ROBO2: variants seen among roughly 807,000 people sequenced by gnomAD.
ROBO2 encodes the protein roundabout homolog 2.
In ROBO2, 53 loss-of-function variants were observed where a neutral mutation model predicts 160.8. The ratio of observed to expected loss-of-function variants is 0.33; its 90% confidence interval spans 0.26 to 0.41. The LOEUF (loss-of-function observed/expected upper bound fraction) is 0.41. Among genes scored for constraint, ROBO2 ranks in the 10% least tolerant of loss-of-function variants. The pLI is 1.00. For missense variants in ROBO2, 1,577 were observed against 1,722.4 expected (o/e 0.92, Z 1.49); for synonymous variants, 664 against 611.7 (o/e 1.09, Z -1.26).
chr3:76,823,674 C>T (rs1367764834), intron 2 of ROBO2, among the ~76,000 whole-genome samples: 1 of 151,982 alleles, frequency 6.6e-6, no homozygotes, highest in African/African-American at 2.4e-5. Flanking sequence ...GTAAAAACAT[C>T]CCAGGCAAAG....
intron 6 of ROBO2, among the ~76,000 whole-genome samples, chr3:77,545,742 T>C (rs2092673301): frequency 6.6e-6 from 1 of 152,100 alleles, no homozygotes. Context: ...GAGTCAACCA[T>C]TTCAATACAT....
intron 2 of ROBO2, among the ~76,000 whole-genome samples, chr3:76,316,399 C>A (rs757318106): frequency 2.0e-5 from 3 of 152,070 alleles, no homozygotes; most frequent in Non-Finnish European, 4.4e-5. Flanking sequence ...TTAGTGATAT[C>A]GCTCCTACTT....
At chr3:77,136,935 A>G (rs992455622) in intron 2 of ROBO2, among the ~76,000 whole-genome samples, 1 of 151,830 alleles carries the variant, frequency 6.6e-6, no homozygotes. Context: ...GTGCCTGGCC[A>G]CACCCAGTTA....
chr3:76,859,552 T>G (rs1250275880), intron 2 of ROBO2, among the ~76,000 whole-genome samples: 2 of 152,168 alleles, frequency 1.3e-5, no homozygotes, highest in African/African-American at 4.8e-5. Context: ...TGGCTTTCCC[T>G]TTCTGTTGTC....
chr3:76,081,143 T>A (rs1576778398), intron 2 of ROBO2, among the ~76,000 whole-genome samples: 2 of 148,892 alleles, frequency 1.3e-5, no homozygotes, highest in South Asian at 2.1e-4. Flanking sequence ...TAGTTTTTTT[T>A]TACAAAATTT....
chr3:77,369,727 G>A (rs1199964276), intron 2 of ROBO2, among the ~76,000 whole-genome samples: 1 of 152,158 alleles, frequency 6.6e-6, no homozygotes, highest in Non-Finnish European at 1.5e-5. Context: ...CTGAGTTAGG[G>A]TTTTATGGAT....
intron 2 of ROBO2, among the ~76,000 whole-genome samples, chr3:76,270,837 G>A (rs1707389476): frequency 6.6e-6 from 1 of 152,038 alleles, no homozygotes; most frequent in African/African-American, 2.4e-5. Context: ...TCTAGTCCTA[G>A]ATATGTTACC....
chr3:75,976,504 T>C (rs1251639351), intron 2 of ROBO2, among the ~76,000 whole-genome samples: 1 of 151,548 alleles, frequency 6.6e-6, no homozygotes, highest in Non-Finnish European at 1.5e-5. Context: ...AAATTTTTTG[T>C]GACTCTCAGA....
At chr3:77,275,375 T>A (rs1431186414) in intron 2 of ROBO2, among the ~76,000 whole-genome samples, 1 of 152,200 alleles carries the variant, frequency 6.6e-6, no homozygotes, top group African/African-American at 2.4e-5. Context: ...TAGCATCTTA[T>A]AATGTCATAT....
intron 2 of ROBO2, among the ~76,000 whole-genome samples, chr3:76,087,608 T>G (rs1394901013): frequency 6.6e-6 from 1 of 152,006 alleles, no homozygotes; most frequent in African/African-American, 2.4e-5. Flanking sequence ...AAGGAATAAG[T>G]GAAGATAAAT....
intron 2 of ROBO2, among the ~76,000 whole-genome samples, chr3:77,102,023 G>C (rs922196497): frequency 6.6e-5 from 10 of 152,210 alleles, no homozygotes; most frequent in Admixed American, 6.5e-4. Context: ...CTGGGCGACA[G>C]AGTGAAACCC....
At chr3:77,283,530 A>T (rs1341388152) in intron 2 of ROBO2, among the ~76,000 whole-genome samples, 2 of 152,238 alleles carry the variant, frequency 1.3e-5, no homozygotes, top group East Asian at 3.8e-4. Flanking sequence ...AAATAAGAGT[A>T]TACATACCAA....
chr3:76,715,138 C>A (rs2107647932), intron 2 of ROBO2, among the ~76,000 whole-genome samples: 1 of 152,094 alleles, frequency 6.6e-6, no homozygotes, highest in East Asian at 1.9e-4. Flanking sequence ...AGGTCTTTTT[C>A]CTCTTCCATC....
intron 2 of ROBO2, among the ~76,000 whole-genome samples, chr3:77,393,694 T>G (rs2153503327): frequency 6.6e-6 from 1 of 151,198 alleles, no homozygotes; most frequent in Admixed American, 6.6e-5. Flanking sequence ...ATATAAAGTT[T>G]ATTAAAGTTA....
chr3:77,621,975 G>T (rs769687381), intron 22 of ROBO2, among the ~76,000 whole-genome samples: 117 of 152,060 alleles, frequency 7.7e-4, no homozygotes, highest in Admixed American at 1.5e-3. Context: ...AAAATACTGG[G>T]CCCGTATTTT....
At chr3:76,845,577 A>G (rs1362623249) in intron 2 of ROBO2, among the ~76,000 whole-genome samples, 1 of 151,964 alleles carries the variant, frequency 6.6e-6, no homozygotes, top group Admixed American at 6.6e-5. Context: ...TCCTTTGTCT[A>G]CACCACCATA....
At chr3:77,246,360 T>TGTG (rs748672940) in intron 2 of ROBO2, among the ~76,000 whole-genome samples, 4 of 151,030 alleles carry the variant, frequency 2.6e-5, no homozygotes, top group East Asian at 2.0e-4. Context: ...TGTGTGTGTG[T>TGTG]TTTGCATGTT....
intron 2 of ROBO2, among the ~76,000 whole-genome samples, chr3:76,437,861 G>T (rs1559944167): frequency 6.6e-6 from 1 of 152,098 alleles, no homozygotes; most frequent in Admixed American, 6.6e-5. Context: ...CAACATATCT[G>T]CCTCTTGGAT....
At chr3:77,091,131 T>C (rs959997174) in intron 1 of ROBO2, among the ~76,000 whole-genome samples, 1 of 152,134 alleles carries the variant, frequency 6.6e-6, no homozygotes, top group Non-Finnish European at 1.5e-5. Context: ...GCTATCCAGT[T>C]TGTAAAAGAA....
Sources: gnomAD v4.1 joint callset for allele counts (sites outside exome capture counted in the v4.1 genomes callset) on GRCh38, gnomAD v4.1.1 for gene constraint, MANE v1.5 for transcripts, NCBI Gene and HGNC (gene_info 2026-07-23, HGNC 2026-07-21) for gene names.